Variants in DDX5 observed in about 807,000 individuals in gnomAD.
The protein encoded by DDX5 is DEAD-box helicase 5.
Under a neutral mutation model 68.6 loss-of-function variants are expected in DDX5, and 6 were observed. The observed-to-expected ratio is 0.09, with a 90% CI of 0.05 to 0.17. The LOEUF is 0.17. Ranked by LOEUF, DDX5 falls within the 10% of genes least tolerant of loss-of-function variation. The pLI, the probability that DDX5 is intolerant of heterozygous loss-of-function variation, is 1.00. For synonymous variants in DDX5, 350 were observed against 247.0 expected, an observed-to-expected ratio of 1.42 and a Z score of -3.91; for missense variants, 499 against 756.1, an observed-to-expected ratio of 0.66 and a Z score of 3.99.
At chr17:64,501,167 G>T in intron 11 of DDX5, 1 of 215,716 alleles carries the variant, frequency 4.6e-6, no homozygotes, top group Non-Finnish European at 9.5e-6. Flanking sequence ...AATGTACAAG[G>T]TCCTTTGCAT....
chr17:64,504,642 G>A, intron 2 of DDX5, 35 bp downstream of exon 2: 1 of 1,577,738 alleles, frequency 6.3e-7, no homozygotes, highest in Non-Finnish European at 8.6e-7. Context: ...CCACGATCGA[G>A]TTACAGCCTG....
Position 64,503,481 on chromosome 17 carries a change from A to G in DDX5, c.598T>C (p.Cys200Arg), listed in dbSNP as rs1555671477. 6.2e-7 allele frequency: 1 copy of G among 1,614,282 alleles called. No individual in the cohort carries two copies. The highest frequency in any genetic ancestry group is 1.7e-5 in the Admixed American group (1 of 60,034). Reference sequence around the variant, plus strand: ...CCCTTAGGAGCACCACCGTAGATACAAGTAGACTTCAAGCGACATGCTCTA... The same window carrying G: ...CCCTTAGGAGCACCACCGTAGATACGAGTAGACTTCAAGCGACATGCTCTA... ...YCRACRLKST[C>R]IYGGAPKGPQ... Residue 200 changes from cysteine to arginine, a missense_variant, in exon 6 of 13, where the codon TGT (cysteine) becomes CGT (arginine). This residue lies in a region of DDX5 where 141 missense variants were observed against 279.8 expected (regional missense o/e 0.50). Transcript: ENST00000225792.
Position 64,502,309 on chromosome 17 carries a change from T to C in DDX5, c.1095-86A>G. On this transcript the variant is annotated intron_variant, in intron 9 of 12. Coordinates refer to ENST00000225792, the MANE Select transcript of DDX5 (RefSeq NM_004396.5). ...TGACCACTTTTGGTCACAGATCTCT[T>C]TAATTTCGCCAGAAATGAAAAAGTT... 3 of 1,506,044 alleles carry C rather than the reference T, an allele frequency of 2.0e-6. 1 individual carries two copies. The highest frequency in any genetic ancestry group is 2.3e-5 in the South Asian group (2 of 87,000). 93.3% of individuals were successfully genotyped at this position (1,506,044 alleles called of 1,614,324 possible). A position where few individuals can be genotyped will look rare whatever the true frequency, so the allele number is the denominator to read the frequency against.
chr17:64,502,139 AAT>A (rs555298595), intron 10 of DDX5, 21 bp downstream of exon 10: 121 of 1,613,926 alleles, frequency 7.5e-5, no homozygotes, highest in Non-Finnish European at 1.0e-4. Context: ...AAGGGGGAAA[AAT>A]ACTTCATTTG....
At chr17:64,500,358 T>G in intron 12 of DDX5, 32 bp from the exon 13 acceptor site, 1 of 1,581,732 alleles carries the variant, frequency 6.3e-7, no homozygotes, top group South Asian at 1.2e-5. Context: ...ATTGATCAAT[T>G]ATGTCTATGA....
At chr17:64,504,916 T>C (rs1598153209) in intron 1 of DDX5, 74 bp from the exon 2 acceptor site, 1 of 1,445,604 alleles carries the variant, frequency 6.9e-7, no homozygotes, top group Non-Finnish European at 9.3e-7. Flanking sequence ...TGTCATCCAT[T>C]GGCACAAGCT....
chr17:64,499,847 A>AT lies in DDX5; in HGVS notation c.*75dup. The AT allele has an allele frequency of 1.5e-6, 2 of 1,360,248 alleles. No individual in the cohort carries two copies. The highest frequency in any genetic ancestry group is 2.0e-6 in the Non-Finnish European group (2 of 1,021,008). The allele number at this position is 1,360,248 out of a possible 1,614,324, so 84.3% of individuals were successfully genotyped here. On this transcript the variant is annotated 3_prime_UTR_variant, in exon 13 of 13. Transcript: ENST00000225792. ...TTTCTGCAATTCCCATGTTTCTTAA[A>AT]TAACTATCTTGTCAGATAACACACA...
chr17:64,506,235 ACC>A lies in DDX5; in HGVS notation c.-118_-117del. 1 of 1,551,598 alleles carries A rather than the reference ACC, an allele frequency of 6.4e-7. No individual in the cohort carries two copies. Among genetic ancestry groups the A allele is most frequent in the Non-Finnish European group, 8.7e-7 (1 of 1,148,318 alleles). ...GCGGGGGCGGCAGCGGAGGAAGGAC[ACC>A]GATGACACCAGCCGAAGCTGCACTA... On this transcript the variant is annotated 5_prime_UTR_variant, in exon 1 of 13. Coordinates refer to ENST00000225792, the MANE Select transcript of DDX5 (RefSeq NM_004396.5).
At chr17:64,501,633 G>C (rs1177642243) in intron 11 of DDX5, 1 of 246,462 alleles carries the variant, frequency 4.1e-6, no homozygotes, top group African/African-American at 2.3e-5. Flanking sequence ...TTTGAAACAA[G>C]GCTGTACCAT....
At chr17:64,506,032 A>ACCCCCCC in intron 1 of DDX5, 44 bp downstream of exon 1, 20 of 442,014 alleles carry the variant, frequency 4.5e-5, no homozygotes, top group East Asian at 1.6e-4. Context: ...CCGCCCTCCC[A>ACCCCCCC]TCCCCCCACC....
intron 11 of DDX5, chr17:64,501,681 G>A (rs1228206748): frequency 1.7e-5 from 6 of 351,994 alleles, no homozygotes; most frequent in South Asian, 4.3e-5. Context: ...GAAATACCAC[G>A]GCAGTGAACT....
At chr17:64,503,603 C>G in intron 5 of DDX5, 32 bp from the exon 6 acceptor site, 1 of 1,610,674 alleles carries the variant, frequency 6.2e-7, no homozygotes, top group South Asian at 1.1e-5. Flanking sequence ...TCAGCACAAA[C>G]CTGGATACTA....
chr17:64,498,953 C>A lies in DDX5; in HGVS notation c.*970G>T, dbSNP rs1408353867. On this transcript the variant is annotated 3_prime_UTR_variant, in exon 13 of 13. Coordinates refer to ENST00000225792, the MANE Select transcript of DDX5 (RefSeq NM_004396.5). ...TTGTGTTGAGTATGAATAGACCTTA[C>A]AGTTTGAGGATCTCTAGAATTCCCT... 6.6e-6 allele frequency among the ~76,000 whole-genome samples: 1 copy of A among 152,154 alleles called. No individual in the cohort carries two copies. Among genetic ancestry groups the A allele is most frequent in the Non-Finnish European group, 1.5e-5 (1 of 68,020 alleles).
chr17:64,505,288 A>T, intron 1 of DDX5: 1 of 314,334 alleles, frequency 3.2e-6, no homozygotes, highest in Non-Finnish European at 6.0e-6. Flanking sequence ...GTAAGAACCT[A>T]AACAGTACAG....
Position 64,498,713 on chromosome 17 carries a change from T to C in DDX5, c.*1210A>G, listed in dbSNP as rs1555670273. Among the ~76,000 whole-genome samples, 1 of 152,042 alleles carries C rather than the reference T, an allele frequency of 6.6e-6. No individual in the cohort carries two copies. Among genetic ancestry groups the C allele is most frequent in the East Asian group, 1.9e-4 (1 of 5,170 alleles). On this transcript the variant is annotated 3_prime_UTR_variant, in exon 13 of 13. Coordinates refer to ENST00000225792, the MANE Select transcript of DDX5 (RefSeq NM_004396.5). ...CTCTCTTCTGGCAAAAAAAAACACG[T>C]ATCAGACTCTGGGAAAACATTCAGA... is the stretch of plus-strand genomic sequence containing the variant.
upstream of DDX5, chr17:64,506,605 C>T (rs979471090): frequency 5.7e-5 from 22 of 385,906 alleles, no homozygotes; most frequent in Admixed American, 2.1e-4. Context: ...ATGTTTACGT[C>T]TCCAAAGAGC....
Position 64,503,177 on chromosome 17 carries a change from A to G in DDX5, c.810+11T>C. On this transcript the variant is annotated intron_variant, in intron 7 of 12. Transcript: ENST00000225792. ...AATTCAGTTTGATCACATATTTCAA[A>G]GGACACTTACTCTTATTTGATCCAC... The G allele has an allele frequency of 3.1e-6, 5 of 1,613,716 alleles. No individual in the cohort carries two copies. Among genetic ancestry groups the G allele is most frequent in the Non-Finnish European group, 4.2e-6 (5 of 1,179,772 alleles).
chr17:64,502,566 G>A lies in DDX5; in HGVS notation c.984-17C>T, dbSNP rs782418919. The stretch of plus-strand genomic sequence containing the variant: ...CGAATAAGTCTAATAATAGGAGAGA[G>A]AAAGGAAAAATCCTGAGTTTTAAAA... On this transcript the variant is annotated splice_polypyrimidine_tract_variant and intron_variant, in intron 8 of 12. Coordinates refer to ENST00000225792, the MANE Select transcript of DDX5 (RefSeq NM_004396.5). 21 of 1,567,268 alleles carry A rather than the reference G, an allele frequency of 1.3e-5. No homozygotes were observed. The highest frequency in any genetic ancestry group is 6.8e-5 in the African/African-American group (5 of 73,628).
chr17:64,500,286 C>G lies in DDX5; in HGVS notation c.1482G>C (p.Arg494=). Residue 494 remains arginine (R), a synonymous_variant, in exon 13 of 13, where the codon CGG becomes CGC. Transcript: ENST00000225792. ...CCCTTTTGCCCGCAGAGTATCTGTCCCGACGGTCATCCTTCATGCCTCCTC... is the reference window on the plus strand; with the variant it reads ...CCCTTTTGCCCGCAGAGTATCTGTCGCGACGGTCATCCTTCATGCCTCCTC... ...RGRGGMKDDR[R]DRYSAGKRGG... 2.5e-6 allele frequency: 4 copies of G among 1,613,468 alleles called. No homozygotes were observed. Among genetic ancestry groups the G allele is most frequent in the Non-Finnish European group, 3.4e-6 (4 of 1,179,586 alleles).
Sources: gnomAD v4.1 joint callset for allele counts (sites outside exome capture counted in the v4.1 genomes callset) on GRCh38, gnomAD v4.1.1 for gene constraint, gnomAD v4.1.1 regional missense constraint, MANE v1.5 for transcripts, NCBI Gene and HGNC (gene_info 2026-07-23, HGNC 2026-07-21) for gene names.